The following CDHR3 variants were observed in gnomAD, a reference collection of about 807,000 sequenced individuals.
The protein encoded by CDHR3 is cadherin-related family member 3.
Under a neutral mutation model 86.6 loss-of-function variants are expected in CDHR3, and 79 were observed. That is an observed-to-expected ratio of 0.91 (90% confidence interval 0.76 to 1.10). The LOEUF is 1.10. CDHR3 is among the 50% of genes least tolerant of loss of function. The pLI, the probability that CDHR3 is intolerant of heterozygous loss-of-function variation, is 0.00. For synonymous variants in CDHR3, 421 were observed against 402.4 expected (o/e 1.05, Z -0.55); for missense variants, 1,081 against 1,077.6 (o/e 1.00, Z -0.04).
At chr7:106,023,110 A>G (rs1244122534) in intron 14 of CDHR3, among the ~76,000 whole-genome samples, 1 of 152,172 alleles carries the variant, frequency 6.6e-6, no homozygotes, top group Non-Finnish European at 1.5e-5. Context: ...ACTGGTTGGA[A>G]ATGCAAATTC....
Position 105,991,821 on chromosome 7 carries a change from T to C in CDHR3, c.514-2930T>C, listed in dbSNP as rs184802312. Among the ~76,000 whole-genome samples, 429 of 152,350 alleles carry C rather than the reference T, an allele frequency of 2.8e-3. 2 individuals carry two copies. Among genetic ancestry groups the C allele is most frequent in the African/African-American group, 9.9e-3 (412 of 41,574 alleles). On this transcript the variant is annotated intron_variant, in intron 4 of 18. Transcript: ENST00000317716. Reference sequence around the variant, plus strand: ...CCTTTCCCTCATGGATCCCTTCTAATGGGACAGCAGTAGTTAACATTTATT... The same window carrying C: ...CCTTTCCCTCATGGATCCCTTCTAACGGGACAGCAGTAGTTAACATTTATT...
chr7:106,018,653 G>A (rs1836040167), intron 12 of CDHR3, among the ~76,000 whole-genome samples: 1 of 152,186 alleles, frequency 6.6e-6, no homozygotes, highest in Admixed American at 6.5e-5. Flanking sequence ...GGTTCCTCTT[G>A]TGGCCCTGTA....
chr7:105,999,753 A>G (rs1832843319), intron 6 of CDHR3, among the ~76,000 whole-genome samples: 1 of 150,806 alleles, frequency 6.6e-6, no homozygotes, highest in African/African-American at 2.4e-5. Flanking sequence ...GTCTATGCAG[A>G]TTAGCTGGGC....
At chr7:106,028,974 T>TTCTTTCTC (rs1837892225) in intron 17 of CDHR3, among the ~76,000 whole-genome samples, 2 of 150,016 alleles carry the variant, frequency 1.3e-5, no homozygotes, top group Non-Finnish European at 3.0e-5. Flanking sequence ...CTTTCTTTCT[T>TTCTTTCTC]TCTTTCTTTC....
intron 17 of CDHR3, among the ~76,000 whole-genome samples, chr7:106,029,548 G>GTCTCTCTCTCTCTCTCTCTCTC (rs59823993): frequency 4.1e-5 from 6 of 147,078 alleles, no homozygotes; most frequent in African/African-American, 1.5e-4. Flanking sequence ...CTCCACCTCT[G>GTCTCTCTCTCTCTCTCTCTCTC]TCTCTCTCTC....
rs139314747 is a variant in CDHR3, at chr7:106,014,276, C to T, written c.1225-835C>T. On this transcript the variant is annotated intron_variant, in intron 9 of 18. Coordinates refer to ENST00000317716, the MANE Select transcript of CDHR3 (RefSeq NM_152750.5). ...GATACAGTAGTGCTCCCTTATCCACCGGGGATATGTTCCAAGACCCCTAGT... is the reference window on the plus strand; with the variant it reads ...GATACAGTAGTGCTCCCTTATCCACTGGGGATATGTTCCAAGACCCCTAGT... Among the ~76,000 whole-genome samples, 580 of 152,262 alleles carry T rather than the reference C, an allele frequency of 3.8e-3. 2 individuals are homozygous for T. The highest frequency in any genetic ancestry group is 5.0e-3 in the Admixed American group (77 of 15,290).
Position 105,996,272 on chromosome 7 carries a change from A to C in CDHR3, c.631A>C (p.Arg211=), listed in dbSNP as rs756987349. ...HRSFHLIVEV[R]DSGGLKASTE... ...CAGTTTCCATCTCATCGTGGAGGTG[A>C]GGGACAGTGGAGGCCTCAAAGCCTC... is the stretch of plus-strand genomic sequence containing the variant. The change falls in exon 6 of 19, where the codon AGG becomes CGG. Residue 211 remains arginine, a synonymous_variant. Transcript: ENST00000317716. 6.3e-7 allele frequency: 1 copy of C among 1,593,514 alleles called. No individual in the cohort carries two copies. Among genetic ancestry groups the C allele is most frequent in the Admixed American group, 1.7e-5 (1 of 59,664 alleles).
intron 4 of CDHR3, among the ~76,000 whole-genome samples, chr7:105,989,654 T>C (rs1436449856): frequency 6.6e-6 from 1 of 152,164 alleles, no homozygotes; most frequent in African/African-American, 2.4e-5. Flanking sequence ...GGTCATCATA[T>C]GCCAGACCTG....
chr7:105,981,779 T>C (rs1411975687), intron 3 of CDHR3, among the ~76,000 whole-genome samples: 2 of 151,980 alleles, frequency 1.3e-5, no homozygotes, highest in Non-Finnish European at 2.9e-5. Flanking sequence ...CTCTCCACCC[T>C]CCACCCCCAC....
chr7:106,028,774 G>A (rs1837770651), intron 17 of CDHR3, among the ~76,000 whole-genome samples, 192 bp downstream of exon 17: 1 of 152,190 alleles, frequency 6.6e-6, no homozygotes, highest in Admixed American at 6.5e-5. Flanking sequence ...GAACATGCCT[G>A]CTGATATATT....
intron 15 of CDHR3, among the ~76,000 whole-genome samples, chr7:106,025,246 G>C (rs1303021661): frequency 6.6e-6 from 1 of 152,146 alleles, no homozygotes; most frequent in Non-Finnish European, 1.5e-5. Context: ...ATTCTCAGTA[G>C]CTCTTACAAC....
chr7:105,973,264 G>A (rs2115631305), intron 1 of CDHR3, among the ~76,000 whole-genome samples: 1 of 152,314 alleles, frequency 6.6e-6, no homozygotes, highest in East Asian at 1.9e-4. Flanking sequence ...TGTTTGAGGA[G>A]TAAGTGAAAT....
rs941044872 is a variant in CDHR3 at position 106,017,845 on chromosome 7, G to T, written c.1427-1G>T. On this transcript the variant is annotated splice_acceptor_variant, in intron 11 of 18. Transcript: ENST00000317716. LOFTEE classifies it high-confidence loss of function. ...TTATTGCAGGTACTTTATTCCTCCAGCCAGAACCCGAGTGGGACAGGTGCG... is the reference window on the plus strand; with the variant it reads ...TTATTGCAGGTACTTTATTCCTCCATCCAGAACCCGAGTGGGACAGGTGCG... 2.6e-6 allele frequency: 4 copies of T among 1,568,118 alleles called. No individual in the cohort carries two copies. The African/African-American group carries it at 5.4e-5, about 21-fold the overall frequency.
chr7:105,973,910 T>A (rs1158514640), intron 1 of CDHR3, among the ~76,000 whole-genome samples: 1 of 152,098 alleles, frequency 6.6e-6, no homozygotes, highest in Non-Finnish European at 1.5e-5. Flanking sequence ...GAGGTTGCAG[T>A]GAGCCAAGAT....
At chr7:105,968,167 C>T (rs967568527) in intron 1 of CDHR3, among the ~76,000 whole-genome samples, 2 of 152,072 alleles carry the variant, frequency 1.3e-5, no homozygotes, top group African/African-American at 4.8e-5. Context: ...GGGCTCTTTT[C>T]TGTTAATCTT....
Position 106,016,080 on chromosome 7 carries a change from G to A in CDHR3, c.1426+55G>A, listed in dbSNP as rs886846728. ...TGCTGTCAATGGACTCCATCCAAACGTGTGTTCTGTGGAGTGGAAAACTCC... is the reference window on the plus strand; with the variant it reads ...TGCTGTCAATGGACTCCATCCAAACATGTGTTCTGTGGAGTGGAAAACTCC... On this transcript the variant is annotated intron_variant, in intron 11 of 18. Coordinates refer to ENST00000317716, the MANE Select transcript of CDHR3 (RefSeq NM_152750.5). 40 of 1,207,234 alleles carry A rather than the reference G, an allele frequency of 3.3e-5. No homozygotes were observed. In the East Asian group the frequency reaches 3.8e-4, roughly 12 times the overall value. The allele number at this position is 1,207,234 out of a possible 1,614,324, so 74.8% of individuals were successfully genotyped here.
chr7:105,968,772 A>G (rs1292412813), intron 1 of CDHR3, among the ~76,000 whole-genome samples: 1 of 152,210 alleles, frequency 6.6e-6, no homozygotes, highest in Non-Finnish European at 1.5e-5. Flanking sequence ...ACCCCTAGTC[A>G]AGGCATGAAG....
chr7:106,008,055 T>G lies in CDHR3; in HGVS notation c.1052+3368T>G, dbSNP rs140796530. ...AGAGCTTGTGCAGGGAAACTCCCCC[T>G]TATAAAGCCATCAGATCTCATGGGA... On this transcript the variant is annotated intron_variant, in intron 8 of 18. Coordinates refer to ENST00000317716, the MANE Select transcript of CDHR3 (RefSeq NM_152750.5). Among the ~76,000 whole-genome samples, 504 of 152,244 alleles carry G rather than the reference T, an allele frequency of 3.3e-3. 1 individual carries two copies. Among genetic ancestry groups the G allele is most frequent in the African/African-American group, 0.012 (479 of 41,540 alleles).
At position 106,001,570 on chromosome 7, in the gene CDHR3, C is replaced by G. The variant is rs376166110; in HGVS notation, c.822C>G (p.Tyr274Ter). 3.7e-6 allele frequency: 6 copies of G among 1,613,910 alleles called. No individual in the cohort carries two copies. The African/African-American group carries it at 6.7e-5, about 18-fold the overall frequency. ...AAGGTTTTCCCAGCCACCTCCTCTA[C>G]AGCATTACCACTGTTAGCAAATATT... ...DDEGFPSHLLYSITTVSKYFM... is the reference protein window; with the variant it reads ...DDEGFPSHLL The change falls in exon 7 of 19, where the codon TAC becomes TAG. Residue 274 changes from tyrosine (Y) to a stop codon, truncating the protein, a stop_gained. Coordinates refer to ENST00000317716, the MANE Select transcript of CDHR3 (RefSeq NM_152750.5). LOFTEE classifies it high-confidence loss of function.
Sources: gnomAD v4.1 joint callset for allele counts (sites outside exome capture counted in the v4.1 genomes callset) on GRCh38, gnomAD v4.1.1 for gene constraint, MANE v1.5 for transcripts, NCBI Gene and HGNC (gene_info 2026-07-23, HGNC 2026-07-21) for gene names.